The following OVCH1 variants were observed in gnomAD, a reference collection of about 807,000 sequenced individuals.
OVCH1 encodes the protein ovochymase 1.
A neutral mutation model predicts 138.4 loss-of-function variants in OVCH1; 139 were observed. The ratio of observed to expected loss-of-function variants is 1.00; its 90% CI spans 0.87 to 1.16. The LOEUF (loss-of-function observed/expected upper bound fraction) is 1.16, where lower values mean the gene tolerates loss of function less well. Among genes scored for constraint, OVCH1 ranks in the 50% most tolerant of loss-of-function variants. OVCH1 has a pLI of 0.00. For synonymous variants in OVCH1, 453 were observed against 467.8 expected (o/e 0.97, Z 0.41); for missense variants, 1,367 against 1,357.9 (o/e 1.01, Z -0.11).
rs115489173 is a variant in OVCH1 at position 29,487,357 on chromosome 12, A to T, written c.892+336T>A. 219 of 188,830 alleles carry T rather than the reference A, an allele frequency of 1.2e-3. 2 individuals are homozygous for T. Among genetic ancestry groups the T allele is most frequent in the African/African-American group, 4.7e-3 (202 of 42,644 alleles). The allele number at this position is 188,830 out of a possible 1,614,324, so 11.7% of individuals were successfully genotyped here. Reference sequence around the variant, plus strand: ...AGGCAAAGTGGGAGATGAGTGATTTATTTTTGGTATTCTTAAGTAGTACAG... The same window carrying T: ...AGGCAAAGTGGGAGATGAGTGATTTTTTTTTGGTATTCTTAAGTAGTACAG... On this transcript the variant is annotated intron_variant, in intron 7 of 27. Coordinates refer to ENST00000318184, the Ensembl canonical transcript of OVCH1.
intron 16 of OVCH1, among the ~76,000 whole-genome samples, chr12:29,469,335 C>T (rs997569422): frequency 1.3e-5 from 2 of 152,020 alleles, no homozygotes; most frequent in Non-Finnish European, 2.9e-5. Flanking sequence ...ACAAAAATGT[C>T]AGACAAACTA....
chr12:29,496,442 G>A (rs1943419401), intron 2 of OVCH1, 114 bp downstream of exon 2: 5 of 1,139,320 alleles, frequency 4.4e-6, no homozygotes, highest in Admixed American at 2.3e-5. Flanking sequence ...TTTTGGTAGA[G>A]AGCTAGAGGG....
intron 27 of OVCH1, among the ~76,000 whole-genome samples, chr12:29,432,492 G>A (rs1941286699): frequency 6.6e-6 from 1 of 152,182 alleles, no homozygotes; most frequent in African/African-American, 2.4e-5. Flanking sequence ...AAGATTGGTG[G>A]AGGAAGAGCT....
intron 26 of OVCH1, among the ~76,000 whole-genome samples, chr12:29,436,570 C>T (rs1029541188): frequency 4.1e-4 from 63 of 152,146 alleles, no homozygotes; most frequent in Admixed American, 3.7e-3. Flanking sequence ...AGAATGAAGC[C>T]GCAGACATTT....
chr12:29,497,663 AC>A lies in OVCH1; in HGVS notation c.23del (p.Gly8ValfsTer14). 1 of 1,613,824 alleles carries A rather than the reference AC, an allele frequency of 6.2e-7. No homozygotes were observed. Among genetic ancestry groups the A allele is most frequent in the Non-Finnish European group, 8.5e-7 (1 of 1,179,844 alleles). On this transcript the variant is annotated frameshift_variant, in exon 1 of 28. Transcript: ENST00000318184. LOFTEE classifies it high-confidence loss of function. Reference sequence around the variant, plus strand: ...GGCCGATGACCAGCAACAGCAACAAACCAGCACTGGCCAGCAGGCCCATAGC... The same window carrying A: ...GGCCGATGACCAGCAACAGCAACAAACAGCACTGGCCAGCAGGCCCATAGC...
chr12:29,461,983 C>T, exon 19 of OVCH1: 1 of 1,612,916 alleles, frequency 6.2e-7, no homozygotes, highest in Non-Finnish European at 8.5e-7. Context: ...CTTGAATCTG[C>T]TGTAGGCGAC....
At chr12:29,421,597 A>T (rs1182076759) in intron 3 of OVCH1, among the ~76,000 whole-genome samples, 1 of 152,168 alleles carries the variant, frequency 6.6e-6, no homozygotes, top group Non-Finnish European at 1.5e-5. Context: ...GTGTTATTCC[A>T]GTGTAACAGA....
chr12:29,412,958 C>T (rs1489850636), intron 3 of OVCH1, among the ~76,000 whole-genome samples: 1 of 145,940 alleles, frequency 6.9e-6, no homozygotes, highest in Non-Finnish European at 1.5e-5. Flanking sequence ...ATGATCCTGC[C>T]TCCTCCTAAG....
At chr12:29,444,843 T>G (rs1941572356) in intron 23 of OVCH1, among the ~76,000 whole-genome samples, 1 of 152,074 alleles carries the variant, frequency 6.6e-6, no homozygotes, top group African/African-American at 2.4e-5. Flanking sequence ...TTGTGTAGTT[T>G]GTTTTCAAAA....
intron 25 of OVCH1, among the ~76,000 whole-genome samples, chr12:29,441,770 T>A (rs1306918160): frequency 2.0e-5 from 3 of 151,606 alleles, no homozygotes; most frequent in Admixed American, 2.0e-4. Context: ...CAAACAAATT[T>A]ACAAGAAAAA....
At chr12:29,479,824 C>CTTTTTTTTT (rs34551074) in intron 8 of OVCH1, among the ~76,000 whole-genome samples, 13 of 128,384 alleles carry the variant, frequency 1.0e-4, no homozygotes, top group Non-Finnish European at 1.5e-4. Flanking sequence ...TCTTTTTTTT[C>CTTTTTTTTT]TTTTTTTTTT....
At position 29,451,600 on chromosome 12, in the gene OVCH1, C is replaced by A. The variant is rs925343395; in HGVS notation, c.2531-31G>T. ...ATTCAGAACACACAGACACCAGGGA[C>A]CAACATAAATAAAGCAAAGAAAAAC... On this transcript the variant is annotated intron_variant, in intron 21 of 27. Transcript: ENST00000318184. 1.9e-6 allele frequency: 3 copies of A among 1,542,076 alleles called. No individual in the cohort carries two copies. The African/African-American group carries it at 4.1e-5, about 21-fold the overall frequency.
At position 29,422,505 on chromosome 12, in the gene OVCH1, A is replaced by G. The variant is rs559316545; in HGVS notation, c.*71+622T>C. Among the ~76,000 whole-genome samples, 3 of 152,294 alleles carry G rather than the reference A, an allele frequency of 2.0e-5. No homozygotes were observed. The East Asian group carries it at 5.8e-4, about 29-fold the overall frequency. On this transcript the variant is annotated intron_variant and NMD_transcript_variant, in intron 3 of 4. Transcript: ENST00000539117. ...AAGAGGACCTCCTACTAACAAATTA[A>G]TTAGGTTTTTAATTGATGGTATGTG...
At position 29,478,790 on chromosome 12, in the gene OVCH1, C is replaced by A. The variant is rs370644082; in HGVS notation, c.1069+45G>T. ...ATCCTTTAGCATCTCTTTGGTCTTT[C>A]AGATACTCTAAAATGACAAATAAAA... On this transcript the variant is annotated intron_variant, in intron 9 of 27. Transcript: ENST00000318184. 2.0e-5 allele frequency: 27 copies of A among 1,371,770 alleles called. No homozygotes were observed. In the African/African-American group the frequency reaches 3.6e-4, roughly 18 times the overall value. The allele number at this position is 1,371,770 out of a possible 1,614,324, so 85.0% of individuals were successfully genotyped here. A position where few individuals can be genotyped will look rare whatever the true frequency, so the allele number is the denominator to read the frequency against.
At chr12:29,423,582 C>T (rs1468511037), downstream of OVCH1, among the ~76,000 whole-genome samples, 4 of 152,012 alleles carry the variant, frequency 2.6e-5, no homozygotes, top group Non-Finnish European at 5.9e-5. Flanking sequence ...AGGGCATTTG[C>T]GCGAAGATAA....
chr12:29,462,813 G>C (rs1592071223), intron 18 of OVCH1, among the ~76,000 whole-genome samples: 1 of 152,056 alleles, frequency 6.6e-6, no homozygotes, highest in African/African-American at 2.4e-5. Context: ...TGATCTCACA[G>C]CTCTTACGGG....
downstream of OVCH1, among the ~76,000 whole-genome samples, chr12:29,424,205 G>A (rs898222159): frequency 3.9e-5 from 6 of 152,204 alleles, no homozygotes; most frequent in East Asian, 3.8e-4. Context: ...GGGATGGGCC[G>A]AAATAAAGGG....
downstream of OVCH1, among the ~76,000 whole-genome samples, chr12:29,409,906 G>T (rs975238964): frequency 2.0e-5 from 3 of 152,004 alleles, no homozygotes; most frequent in Non-Finnish European, 4.4e-5. Flanking sequence ...TTGACAGTGG[G>T]GTGTTAAAGT....
In OVCH1 at chr12:29,451,341, T is replaced by C. The variant is rs775529821; in HGVS notation, c.2755+4A>G. ...CACGAAGTTTATATGCCAGGAAGGA[T>C]TACCTGCCGTCTTTCTCTTACTGTG... On this transcript the variant is annotated splice_donor_region_variant and intron_variant, in intron 22 of 27. Coordinates refer to ENST00000318184, the Ensembl canonical transcript of OVCH1. 2 of 1,608,972 alleles carry C rather than the reference T, an allele frequency of 1.2e-6. No individual in the cohort carries two copies. The highest frequency in any genetic ancestry group is 1.7e-5 in the Admixed American group (1 of 59,636).
Sources: allele counts gnomAD v4.1 joint callset (sites outside exome capture counted in the v4.1 genomes callset), GRCh38; gene constraint gnomAD v4.1.1; transcripts MANE v1.5; gene names NCBI Gene and HGNC (gene_info 2026-07-23, HGNC 2026-07-21).